The following SDK1 variants were observed in gnomAD, a reference collection of about 807,000 sequenced individuals.
SDK1 encodes the protein protein sidekick-1.
SDK1 carries 157 observed loss-of-function variants against 245.5 expected under a neutral mutation model. The ratio of observed to expected loss-of-function variants is 0.64; its 90% CI spans 0.56 to 0.73. SDK1 has a LOEUF of 0.73. Among genes scored for constraint, SDK1 ranks in the 30% least tolerant of loss-of-function variants. SDK1 has a pLI of 0.00. For synonymous variants in SDK1, 1,647 were observed against 1,278.5 expected (o/e 1.29, Z -6.15); for missense variants, 3,583 against 3,002.3 (o/e 1.19, Z -4.52).
intron 2 of SDK1, among the ~76,000 whole-genome samples, chr7:3,637,068 AGAGAGAGT>A (rs1251493937): frequency 1.3e-5 from 2 of 150,544 alleles, no homozygotes; most frequent in African/African-American, 4.9e-5. Flanking sequence ...AGAGAGAGAG[AGAGAGAGT>A]GCGTGCGCGC....
intron 28 of SDK1, among the ~76,000 whole-genome samples, chr7:4,133,616 C>T (rs1227507241): frequency 6.6e-6 from 1 of 152,112 alleles, no homozygotes; most frequent in Non-Finnish European, 1.5e-5. Context: ...CAGCCAAGAC[C>T]GAATGCTTTC....
In SDK1 at chr7:3,648,140, G is replaced by A. The variant is rs188059032; in HGVS notation, c.713+6035G>A. Among the ~76,000 whole-genome samples, 39 of 152,176 alleles carry A rather than the reference G, an allele frequency of 2.6e-4. 1 individual carries two copies. Among genetic ancestry groups the A allele is most frequent in the Admixed American group, 2.4e-3 (36 of 15,292 alleles). On this transcript the variant is annotated intron_variant, in intron 4 of 44. Coordinates refer to ENST00000404826, the MANE Select transcript of SDK1 (RefSeq NM_152744.4). Reference sequence around the variant, plus strand: ...TACAGTCTAATTTGATAATAAAATTGTTCTGTGTTATTTTGGTTTAGATAT... The same window carrying A: ...TACAGTCTAATTTGATAATAAAATTATTCTGTGTTATTTTGGTTTAGATAT...
At chr7:3,520,074 G>C (rs1782883993) in intron 1 of SDK1, among the ~76,000 whole-genome samples, 1 of 152,164 alleles carries the variant, frequency 6.6e-6, no homozygotes, top group African/African-American at 2.4e-5. Flanking sequence ...TAAAGTTACT[G>C]CATTTAATTC....
At chr7:3,986,630 G>T (rs1035090381) in intron 13 of SDK1, among the ~76,000 whole-genome samples, 5 of 152,224 alleles carry the variant, frequency 3.3e-5, no homozygotes, top group African/African-American at 9.6e-5. Flanking sequence ...GGAGGCCAAG[G>T]CGGGTGAATC....
At chr7:4,012,482 A>C (rs1786058417) in intron 16 of SDK1, among the ~76,000 whole-genome samples, 1 of 139,534 alleles carries the variant, frequency 7.2e-6, no homozygotes, top group Admixed American at 7.5e-5. Flanking sequence ...GTGTCAGGGT[A>C]GCATTTTGGC....
intron 4 of SDK1, among the ~76,000 whole-genome samples, chr7:3,779,364 G>A (rs911307267): frequency 6.6e-6 from 1 of 151,944 alleles, no homozygotes; most frequent in African/African-American, 2.4e-5. Context: ...GTAGCTACCA[G>A]AATGACAACG....
intron 14 of SDK1, among the ~76,000 whole-genome samples, chr7:3,997,957 G>T (rs1321709960): frequency 6.6e-6 from 1 of 152,228 alleles, no homozygotes; most frequent in African/African-American, 2.4e-5. Context: ...CCAAGCCTGC[G>T]AGGGCAGGGG....
chr7:4,129,339 G>A (rs1342556058), intron 26 of SDK1, among the ~76,000 whole-genome samples: 11 of 128,904 alleles, frequency 8.5e-5, no homozygotes, highest in African/African-American at 3.2e-4. Flanking sequence ...GGGGTGGGGT[G>A]CCCTGGAGGA....
intron 1 of SDK1, among the ~76,000 whole-genome samples, chr7:3,403,636 T>C (rs895977733): frequency 2.0e-5 from 3 of 151,438 alleles, no homozygotes; most frequent in Admixed American, 6.6e-5. Context: ...CAATAAGATA[T>C]GGAGACTCAG....
chr7:3,414,177 C>G (rs1223324839), intron 1 of SDK1, among the ~76,000 whole-genome samples: 5 of 152,020 alleles, frequency 3.3e-5, no homozygotes, highest in Non-Finnish European at 5.9e-5. Flanking sequence ...ATCAAGGACT[C>G]CTAGAATTTT....
chr7:3,345,541 C>G (rs1388834035), intron 1 of SDK1, among the ~76,000 whole-genome samples: 1 of 152,138 alleles, frequency 6.6e-6, no homozygotes, highest in Non-Finnish European at 1.5e-5. Flanking sequence ...CAGAGAAACC[C>G]CACCATTCAA....
At chr7:3,729,002 T>A (rs967174365) in intron 4 of SDK1, among the ~76,000 whole-genome samples, 1 of 152,202 alleles carries the variant, frequency 6.6e-6, no homozygotes, top group African/African-American at 2.4e-5. Context: ...GAATATAGGA[T>A]GCCAACGGTG....
intron 5 of SDK1, among the ~76,000 whole-genome samples, chr7:3,916,834 T>C (rs761482595): frequency 6.6e-6 from 1 of 152,240 alleles, no homozygotes; most frequent in African/African-American, 2.4e-5. Flanking sequence ...GATAGATAGA[T>C]AGACAGACAG....
At chr7:3,596,006 C>T (rs997417032) in intron 1 of SDK1, among the ~76,000 whole-genome samples, 2 of 148,620 alleles carry the variant, frequency 1.3e-5, no homozygotes, top group Non-Finnish European at 3.0e-5. Flanking sequence ...GTTGTGAGAA[C>T]ATTTCAGATA....
intron 5 of SDK1, among the ~76,000 whole-genome samples, chr7:3,854,588 A>G (rs1241786845): frequency 6.6e-6 from 1 of 152,208 alleles, no homozygotes; most frequent in Non-Finnish European, 1.5e-5. Flanking sequence ...TGCAATTTTT[A>G]TATTTTTATT....
intron 20 of SDK1, among the ~76,000 whole-genome samples, chr7:4,073,437 T>G (rs1159957522): frequency 6.6e-6 from 1 of 152,252 alleles, no homozygotes; most frequent in East Asian, 1.9e-4. Context: ...ATTATCAATG[T>G]TGATCCTAAT....
chr7:3,909,517 C>T (rs1779080423), intron 5 of SDK1, among the ~76,000 whole-genome samples: 1 of 152,172 alleles, frequency 6.6e-6, no homozygotes, highest in African/African-American at 2.4e-5. Context: ...TCTGCTGATC[C>T]CTACCTCTCC....
At chr7:4,220,485 G>A (rs1010593247) in intron 39 of SDK1, among the ~76,000 whole-genome samples, 5 of 145,876 alleles carry the variant, frequency 3.4e-5, no homozygotes, top group Non-Finnish European at 7.5e-5. Flanking sequence ...TGGGCACATT[G>A]TTAAATATTA....
At chr7:3,938,752 G>A (rs1223149128) in intron 5 of SDK1, among the ~76,000 whole-genome samples, 1 of 152,064 alleles carries the variant, frequency 6.6e-6, no homozygotes, top group Non-Finnish European at 1.5e-5. Context: ...AATCATGCAG[G>A]TCCAATCACG....
Sources: allele counts gnomAD v4.1 joint callset (sites outside exome capture counted in the v4.1 genomes callset), GRCh38; gene constraint gnomAD v4.1.1; transcripts MANE v1.5; gene names NCBI Gene and HGNC (gene_info 2026-07-23, HGNC 2026-07-21).